The following SYN3 variants were observed in gnomAD, a reference collection of about 807,000 sequenced individuals.
SYN3 encodes synapsin III, also known as synapsin-3.
A neutral mutation model predicts 65.8 loss-of-function variants in SYN3; 35 were observed. The ratio of observed to expected loss-of-function variants is 0.53; its 90% CI spans 0.41 to 0.70. The LOEUF (loss-of-function observed/expected upper bound fraction) is 0.70, where lower values mean the gene tolerates loss of function less well. SYN3 is among the 30% of genes least tolerant of loss of function. SYN3 has a pLI of 0.00. For missense variants in SYN3, 680 were observed against 749.0 expected (o/e 0.91, Z 1.08); for synonymous variants, 270 against 292.9 (o/e 0.92, Z 0.80).
intron 1 of SYN3, among the ~76,000 whole-genome samples, chr22:33,048,805 C>T (rs2054111466): frequency 6.6e-6 from 1 of 152,276 alleles, no homozygotes; most frequent in South Asian, 2.1e-4. Flanking sequence ...ACTGAAACAA[C>T]ATGTATGAAG....
At chr22:32,681,226 C>CA (rs2060518200) in intron 6 of SYN3, among the ~76,000 whole-genome samples, 1 of 129,034 alleles carries the variant, frequency 7.7e-6, no homozygotes, top group African/African-American at 2.7e-5. Flanking sequence ...GGATATTTGG[C>CA]AACGTCTGGA....
chr22:32,898,209 G>A (rs1247180988), intron 4 of SYN3, among the ~76,000 whole-genome samples: 3 of 151,996 alleles, frequency 2.0e-5, no homozygotes, highest in South Asian at 2.1e-4. Flanking sequence ...TTGGTCAGGC[G>A]GGTCTCGAAC....
At chr22:32,577,846 C>T (rs1174809482) in intron 7 of SYN3, among the ~76,000 whole-genome samples, 1 of 152,238 alleles carries the variant, frequency 6.6e-6, no homozygotes, top group African/African-American at 2.4e-5. Flanking sequence ...CTCTCTCCTT[C>T]CTTTACATGG....
chr22:32,606,969 A>G (rs2059381194), intron 6 of SYN3, among the ~76,000 whole-genome samples: 3 of 151,768 alleles, frequency 2.0e-5, no homozygotes, highest in Admixed American at 2.0e-4. Context: ...TTAACTCGTC[A>G]TTTAACATTA....
intron 6 of SYN3, among the ~76,000 whole-genome samples, chr22:32,842,809 T>C (rs1025653183): frequency 1.3e-5 from 2 of 152,182 alleles, no homozygotes; most frequent in African/African-American, 2.4e-5. Flanking sequence ...GTTATACTGC[T>C]GATGGCGATG....
At chr22:32,985,399 G>C (rs2052494886) in intron 2 of SYN3, among the ~76,000 whole-genome samples, 1 of 152,196 alleles carries the variant, frequency 6.6e-6, no homozygotes. Context: ...GCTTTGATCT[G>C]TCTCACAGGT....
intron 6 of SYN3, among the ~76,000 whole-genome samples, chr22:32,599,136 C>T (rs1364951546): frequency 6.6e-6 from 1 of 152,074 alleles, no homozygotes; most frequent in Non-Finnish European, 1.5e-5. Context: ...TAGTGGATAT[C>T]CAGTCTTGGT....
At chr22:32,624,304 G>C (rs1302172635) in intron 6 of SYN3, among the ~76,000 whole-genome samples, 2 of 152,110 alleles carry the variant, frequency 1.3e-5, no homozygotes, top group Non-Finnish European at 2.9e-5. Context: ...GAGGCTGGGT[G>C]GGGGGTCACT....
At chr22:32,706,760 C>CTTTCATA (rs1203600196) in intron 6 of SYN3, among the ~76,000 whole-genome samples, 1 of 152,256 alleles carries the variant, frequency 6.6e-6, no homozygotes, top group Admixed American at 6.5e-5. Context: ...TGACCAGTCT[C>CTTTCATA]TTTCATATGT....
intron 12 of SYN3, among the ~76,000 whole-genome samples, chr22:32,524,196 T>C (rs1307234977): frequency 6.6e-6 from 1 of 152,244 alleles, no homozygotes; most frequent in Non-Finnish European, 1.5e-5. Flanking sequence ...CTAGCTTAGA[T>C]TATTGATGAA....
chr22:32,575,105 C>T (rs542127363), intron 7 of SYN3, among the ~76,000 whole-genome samples: 4 of 152,308 alleles, frequency 2.6e-5, no homozygotes, highest in East Asian at 3.9e-4. Flanking sequence ...GGCGCCATGC[C>T]GGGAGCCCGG....
chr22:32,921,193 T>G (rs1329553447), intron 4 of SYN3, among the ~76,000 whole-genome samples: 1 of 152,182 alleles, frequency 6.6e-6, no homozygotes, highest in Non-Finnish European at 1.5e-5. Context: ...ACCCAATGTC[T>G]GAAGTGGTCC....
chr22:33,006,315 C>G (rs769756368), intron 2 of SYN3, 37 bp downstream of exon 2: 41 of 1,555,748 alleles, frequency 2.6e-5, no homozygotes, highest in Middle Eastern at 3.4e-4. Context: ...TCCTCTCTTG[C>G]CCCAGAAGGT....
chr22:32,947,304 T>A (rs567770650), intron 3 of SYN3, among the ~76,000 whole-genome samples: 5 of 152,252 alleles, frequency 3.3e-5, no homozygotes, highest in Non-Finnish European at 7.3e-5. Context: ...TATCATGGCA[T>A]ACTTTATAAG....
chr22:32,810,526 G>A (rs1444365892), intron 6 of SYN3, among the ~76,000 whole-genome samples: 3 of 141,112 alleles, frequency 2.1e-5, no homozygotes, highest in African/African-American at 7.7e-5. Context: ...TGATTGGGCG[G>A]GGGGTGGGTA....
At chr22:33,047,336 GCAC>G (rs1280916858) in intron 1 of SYN3, among the ~76,000 whole-genome samples, 3 of 152,106 alleles carry the variant, frequency 2.0e-5, no homozygotes, top group Admixed American at 2.0e-4. Context: ...GAATGAATGA[GCAC>G]ACCCAAGAGA....
chr22:32,713,076 C>T lies in SYN3; in HGVS notation c.712-116340G>A, dbSNP rs144087887. The stretch of plus-strand genomic sequence containing the variant: ...TCCCTTTTTTGGTCTATCACTGTAT[C>T]GTCAAACCCAGGACAGATGCTTGGT... On this transcript the variant is annotated intron_variant, in intron 6 of 13. Coordinates refer to ENST00000358763, the MANE Select transcript of SYN3 (RefSeq NM_003490.4). Among the ~76,000 whole-genome samples, 46 of 152,136 alleles carry T rather than the reference C, an allele frequency of 3.0e-4. 1 individual carries two copies. Among genetic ancestry groups the T allele is most frequent in the African/African-American group, 8.4e-4 (35 of 41,486 alleles).
intron 6 of SYN3, among the ~76,000 whole-genome samples, chr22:32,740,392 C>A (rs2061389454): frequency 6.6e-6 from 1 of 152,090 alleles, no homozygotes; most frequent in Non-Finnish European, 1.5e-5. Flanking sequence ...GGGAATGGAA[C>A]CCTGAAACCC....
chr22:32,563,316 G>A (rs1248750310), intron 7 of SYN3, among the ~76,000 whole-genome samples: 2 of 152,218 alleles, frequency 1.3e-5, no homozygotes, highest in East Asian at 3.9e-4. Context: ...ACATGTCAAA[G>A]TTAAGTACAC....
Sources: gnomAD v4.1 joint callset for allele counts (sites outside exome capture counted in the v4.1 genomes callset) on GRCh38, gnomAD v4.1.1 for gene constraint, MANE v1.5 for transcripts, NCBI Gene and HGNC (gene_info 2026-07-23, HGNC 2026-07-21) for gene names.